Variants in SLIT2 observed in about 807,000 individuals in gnomAD.
The protein encoded by SLIT2 is slit homolog 2 protein.
SLIT2 carries 41 observed loss-of-function variants against 185.7 expected under a neutral mutation model. The observed-to-expected ratio is 0.22, with a 90% CI of 0.17 to 0.29. The LOEUF (loss-of-function observed/expected upper bound fraction) is 0.29, where lower values mean the gene tolerates loss of function less well. SLIT2 is among the 10% of genes least tolerant of loss of function. The probability of loss-of-function intolerance (pLI) is 1.00; values close to 1 mark genes in which losing one functional copy is unlikely to be tolerated. For synonymous variants in SLIT2, 693 were observed against 680.2 expected (o/e 1.02, Z -0.29); for missense variants, 1,571 against 1,909.0 (o/e 0.82, Z 3.30).
Position 20,283,688 on chromosome 4 carries a change from A to G in SLIT2, c.395+14807A>G, listed in dbSNP as rs191445997. On this transcript the variant is annotated intron_variant, in intron 4 of 36. Coordinates refer to ENST00000504154, the MANE Select transcript of SLIT2 (RefSeq NM_004787.4). ...TTTATTGTTAATATTGAGAGAAAAG[A>G]CACAAATGAAAACAGAATCATAAAA... Among the ~76,000 whole-genome samples, 25 of 152,310 alleles carry G rather than the reference A, an allele frequency of 1.6e-4. No homozygotes were observed. The East Asian group carries it at 4.8e-3, about 29-fold the overall frequency.
chr4:20,324,873 G>A (rs1301628833), intron 4 of SLIT2, among the ~76,000 whole-genome samples: 3 of 152,048 alleles, frequency 2.0e-5, no homozygotes, highest in Non-Finnish European at 4.4e-5. Context: ...GCATCAGATT[G>A]GTGCAAAAGT....
At chr4:20,373,281 A>G (rs1723742871) in intron 4 of SLIT2, among the ~76,000 whole-genome samples, 1 of 152,148 alleles carries the variant, frequency 6.6e-6, no homozygotes, top group Non-Finnish European at 1.5e-5. Flanking sequence ...CTTATAGTAG[A>G]TCAATTTCTC....
chr4:20,537,988 C>T (rs1462025165), intron 18 of SLIT2, among the ~76,000 whole-genome samples: 1 of 152,178 alleles, frequency 6.6e-6, no homozygotes, highest in Non-Finnish European at 1.5e-5. Flanking sequence ...GAGACGGAGT[C>T]TCGCTCTGTC....
intron 4 of SLIT2, among the ~76,000 whole-genome samples, chr4:20,278,874 A>AACGT (rs1481393506): frequency 5.3e-5 from 8 of 152,084 alleles, no homozygotes; most frequent in African/African-American, 1.9e-4. Context: ...GTGCTTAAGA[A>AACGT]ACGTACAGAA....
intron 26 of SLIT2, among the ~76,000 whole-genome samples, chr4:20,560,368 G>A (rs1318160087): frequency 6.6e-6 from 1 of 151,754 alleles, no homozygotes; most frequent in Non-Finnish European, 1.5e-5. Context: ...TTTCTTTATG[G>A]TAAACTCTCA....
At chr4:20,490,780 A>G (rs1308249469) in intron 8 of SLIT2, 12 of 1,494,610 alleles carry the variant, frequency 8.0e-6, no homozygotes, top group South Asian at 3.6e-5. Context: ...TTCTCTCTTC[A>G]CTTTTTCCTT....
intron 22 of SLIT2, among the ~76,000 whole-genome samples, chr4:20,546,688 T>A (rs1353643857): frequency 6.6e-6 from 1 of 152,042 alleles, no homozygotes; most frequent in African/African-American, 2.4e-5. Flanking sequence ...ATAACATCTC[T>A]TTTTTTATTA....
At chr4:20,334,877 T>C (rs910600542) in intron 4 of SLIT2, among the ~76,000 whole-genome samples, 2 of 152,216 alleles carry the variant, frequency 1.3e-5, no homozygotes, top group Admixed American at 6.5e-5. Context: ...GTAATGCATG[T>C]GAAGTCTTGA....
Position 20,539,569 on chromosome 4 carries a change from A to G in SLIT2, c.1961A>G (p.His654Arg). 6.2e-7 allele frequency: 1 copy of G among 1,610,554 alleles called. No individual in the cohort carries two copies. Among genetic ancestry groups the G allele is most frequent in the Non-Finnish European group, 8.5e-7 (1 of 1,177,126 alleles). Residue 654 changes from histidine (H) to arginine (R), a missense_variant, in exon 19 of 37, where the codon CAT becomes CGT. Transcript: ENST00000504154. Reference sequence around the variant, plus strand: ...GCACCAGGGGCATTTGATACTCTCCATTCTTTATCTACTCTGTAAGTATGA... The same window carrying G: ...GCACCAGGGGCATTTGATACTCTCCGTTCTTTATCTACTCTGTAAGTATGA... ...TVAPGAFDTLHSLSTLNLLAN... is the reference protein window; with the variant it reads ...TVAPGAFDTLRSLSTLNLLAN...
intron 4 of SLIT2, among the ~76,000 whole-genome samples, chr4:20,431,092 C>T (rs944978258): frequency 1.3e-5 from 2 of 152,206 alleles, no homozygotes; most frequent in African/African-American, 4.8e-5. Flanking sequence ...ACACTTTCCT[C>T]ATGTTTGTAA....
At chr4:20,505,983 G>A (rs1719173184) in intron 9 of SLIT2, among the ~76,000 whole-genome samples, 1 of 151,964 alleles carries the variant, frequency 6.6e-6, no homozygotes, top group South Asian at 2.1e-4. Flanking sequence ...TTTTATTAGT[G>A]CAGTTAGAAA....
intron 4 of SLIT2, among the ~76,000 whole-genome samples, chr4:20,285,830 G>A (rs1471900534): frequency 6.6e-6 from 1 of 152,200 alleles, no homozygotes; most frequent in Admixed American, 6.5e-5. Context: ...TTACAAGCAT[G>A]AGCCACCATG....
intron 4 of SLIT2, among the ~76,000 whole-genome samples, chr4:20,277,468 A>T (rs1215538682): frequency 6.6e-6 from 1 of 151,924 alleles, no homozygotes; most frequent in Non-Finnish European, 1.5e-5. Flanking sequence ...TTGTGTAAAC[A>T]GTATATAAAT....
chr4:20,252,690 G>A lies in SLIT2; in HGVS notation c.-1126G>A, dbSNP rs1274405813. On this transcript the variant is annotated 5_prime_UTR_variant, in exon 1 of 37. Transcript: ENST00000504154. The stretch of plus-strand genomic sequence containing the variant: ...GCGGCTTATCTGGGAGACGAGCGGG[G>A]TTGACACGCGCGCACACACTACTGC... Among the ~76,000 whole-genome samples, 1 of 152,200 alleles carries A rather than the reference G, an allele frequency of 6.6e-6. No individual in the cohort carries two copies.
intron 33 of SLIT2, 51 bp from the exon 34 acceptor site, chr4:20,609,962 G>T: frequency 6.5e-7 from 1 of 1,533,954 alleles, no homozygotes. Flanking sequence ...TAACTACCTT[G>T]CTTTAATGAA....
chr4:20,424,109 T>C (rs1473604777), intron 4 of SLIT2, among the ~76,000 whole-genome samples: 1 of 152,152 alleles, frequency 6.6e-6, no homozygotes, highest in Non-Finnish European at 1.5e-5. Context: ...GCATAGAACA[T>C]ACGTGGAACT....
At chr4:20,490,693 A>G in intron 8 of SLIT2, 1 of 754,164 alleles carries the variant, frequency 1.3e-6, no homozygotes, top group African/African-American at 1.8e-5. Context: ...ATATCATGGA[A>G]TGTTCTCAAT....
intron 4 of SLIT2, among the ~76,000 whole-genome samples, chr4:20,282,016 G>C (rs147400528): frequency 6.6e-6 from 1 of 152,152 alleles, no homozygotes. Flanking sequence ...ATTATATTTT[G>C]TGCTTTTCTG....
At position 20,480,791 on chromosome 4, in the gene SLIT2, A is replaced by C. The variant is rs1716619107; in HGVS notation, c.539+4A>C. On this transcript the variant is annotated splice_donor_region_variant and intron_variant, in intron 6 of 36. Transcript: ENST00000504154. ...CTCTCCGGGACCTGGAAGTGCTGTA[A>C]GTACTGCTATTTCTCTTGCTCTTTT... The C allele has an allele frequency of 1.2e-6, 2 of 1,604,544 alleles. No individual in the cohort carries two copies. Among genetic ancestry groups the C allele is most frequent in the African/African-American group, 1.3e-5 (1 of 74,738 alleles).
Sources: allele counts gnomAD v4.1 joint callset (sites outside exome capture counted in the v4.1 genomes callset), GRCh38; gene constraint gnomAD v4.1.1; transcripts MANE v1.5; gene names NCBI Gene and HGNC (gene_info 2026-07-23, HGNC 2026-07-21).